Variants in RHOU observed in about 807,000 individuals in gnomAD.
The protein encoded by RHOU is ras homolog family member U.
A neutral mutation model predicts 12.6 loss-of-function variants in RHOU; 8 were observed. The observed-to-expected ratio is 0.64, with a 90% CI of 0.37 to 1.15. RHOU has a LOEUF of 1.15. Ranked by LOEUF, RHOU falls within the 50% of genes most tolerant of loss-of-function variation. RHOU has a pLI of 0.01. For missense variants in RHOU, 258 were observed against 347.0 expected (o/e 0.74, Z 2.04); for synonymous variants, 161 against 147.4 (o/e 1.09, Z -0.67).
the RHOU span, among the ~76,000 whole-genome samples, chr1:228,648,193 G>T: frequency 6.6e-6 from 1 of 152,242 alleles, no homozygotes; most frequent in South Asian, 2.1e-4. Flanking sequence ...CCCAAGCACC[G>T]TTGCCCGCCG....
the RHOU span, among the ~76,000 whole-genome samples, chr1:228,683,251 A>G: frequency 6.6e-6 from 1 of 152,202 alleles, no homozygotes; most frequent in Non-Finnish European, 1.5e-5. Context: ...ATAGCCACAG[A>G]GGCAACCGGT....
the RHOU span, among the ~76,000 whole-genome samples, chr1:228,681,167 T>C: frequency 1.3e-5 from 2 of 152,136 alleles, no homozygotes; most frequent in African/African-American, 2.4e-5. Context: ...AAACGTTTGG[T>C]AGAGAAAAAG....
At chr1:228,707,321 A>T in the RHOU span, among the ~76,000 whole-genome samples, 1 of 132,498 alleles carries the variant, frequency 7.5e-6, no homozygotes, top group Non-Finnish European at 1.6e-5. Flanking sequence ...CCAAAGCAGA[A>T]TGGTCTCGCA....
chr1:228,735,706 T>A lies in RHOU; in HGVS notation c.-37T>A. On this transcript the variant is annotated 5_prime_UTR_variant, in exon 1 of 3. Coordinates refer to ENST00000366691, the MANE Select transcript of RHOU (RefSeq NM_021205.6). The surrounding 1 kb of genome is among the most constrained non-coding windows in gnomAD (Gnocchi z 8.1). Reference sequence around the variant, plus strand: ...GCGGAGGGGCGGTCGGGCCGGGCCCTGCTAGCCCGCGACCGCAAGCCCGCG... The same window carrying A: ...GCGGAGGGGCGGTCGGGCCGGGCCCAGCTAGCCCGCGACCGCAAGCCCGCG... 8.4e-7 allele frequency: 1 copy of A among 1,194,204 alleles called. No homozygotes were observed. The highest frequency in any genetic ancestry group is 1.0e-6 in the Non-Finnish European group (1 of 964,316). The allele number at this position is 1,194,204 out of a possible 1,614,324, so 74.0% of individuals were successfully genotyped here.
the RHOU span, among the ~76,000 whole-genome samples, chr1:228,646,932 T>C: frequency 2.7e-5 from 4 of 147,984 alleles, no homozygotes; most frequent in Non-Finnish European, 6.0e-5. Flanking sequence ...GGTGGAGAGG[T>C]AAAGAGAGAG....
chr1:228,677,924 A>G, the RHOU span, among the ~76,000 whole-genome samples: 1 of 152,186 alleles, frequency 6.6e-6, no homozygotes, highest in African/African-American at 2.4e-5. Flanking sequence ...GTCTGACAAA[A>G]GGGAAGAAAT....
In RHOU at chr1:228,745,283, A is replaced by G. The variant is rs759899567; in HGVS notation, c.*1543A>G. ...CGAGACACCACAAGGCAGCCTGAAC[A>G]CTCAGTTGCAGGGTCGGGCTTGCGG... On this transcript the variant is annotated 3_prime_UTR_variant, in exon 3 of 3. Coordinates refer to ENST00000366691, the MANE Select transcript of RHOU (RefSeq NM_021205.6). 6.6e-6 allele frequency: 1 copy of G among 152,234 alleles called. No individual in the cohort carries two copies. Among genetic ancestry groups the G allele is most frequent in the Non-Finnish European group, 1.5e-5 (1 of 68,054 alleles). 9.4% of individuals were successfully genotyped at this position (152,234 alleles called of 1,614,324 possible).
chr1:228,719,453 G>A, the RHOU span, among the ~76,000 whole-genome samples: 1 of 152,194 alleles, frequency 6.6e-6, no homozygotes, highest in African/African-American at 2.4e-5. Context: ...AATTGGGCTG[G>A]GTGTGGTGGC....
At chr1:228,656,908 T>C in the RHOU span, among the ~76,000 whole-genome samples, 6 of 152,130 alleles carry the variant, frequency 3.9e-5, no homozygotes, top group African/African-American at 9.7e-5. Context: ...GACAAAAACA[T>C]GAAACCCGAT....
intron 2 of RHOU, among the ~76,000 whole-genome samples, chr1:228,741,147 G>A (rs185037350): frequency 2.6e-5 from 4 of 151,994 alleles, no homozygotes; most frequent in East Asian, 1.9e-4. Context: ...ATCCAGTCTC[G>A]TCTCTCTGCC....
Position 228,738,325 on chromosome 1 carries a change from G to C in RHOU, c.321+594G>C, listed in dbSNP as rs1036336319. Among the ~76,000 whole-genome samples the C allele has an allele frequency of 2.0e-5, 3 of 152,182 alleles. No individual in the cohort carries two copies. The highest frequency in any genetic ancestry group is 7.2e-5 in the African/African-American group (3 of 41,442). On this transcript the variant is annotated intron_variant, in intron 2 of 2. Transcript: ENST00000366691. This position sits in a 1 kb window ranked among gnomAD's most constrained non-coding sequence, Gnocchi z 4.2. Reference sequence around the variant, plus strand: ...AACTGTGAACGCTGGTTCTTGTCTCGAGGGCTGGGCCCTTGGAGGAAATAG... The same window carrying C: ...AACTGTGAACGCTGGTTCTTGTCTCCAGGGCTGGGCCCTTGGAGGAAATAG...
the RHOU span, among the ~76,000 whole-genome samples, chr1:228,695,160 G>A: frequency 1.3e-5 from 2 of 152,040 alleles, no homozygotes; most frequent in South Asian, 2.1e-4. Flanking sequence ...GGTAGAGATG[G>A]GGTTTTGGTA....
chr1:228,739,031 G>A (rs1480541785), intron 2 of RHOU, among the ~76,000 whole-genome samples: 3 of 152,110 alleles, frequency 2.0e-5, no homozygotes, highest in African/African-American at 7.2e-5. Flanking sequence ...TGAGGTGAGA[G>A]GATCGCTTGA....
At chr1:228,729,386 G>A in the RHOU span, among the ~76,000 whole-genome samples, 1 of 152,074 alleles carries the variant, frequency 6.6e-6, no homozygotes, top group Non-Finnish European at 1.5e-5. Context: ...ACATTTATAT[G>A]GTTTTTAGTT....
chr1:228,683,847 C>T, the RHOU span, among the ~76,000 whole-genome samples: 4 of 152,336 alleles, frequency 2.6e-5, no homozygotes, highest in Middle Eastern at 6.8e-3. Flanking sequence ...AAAAGATCCC[C>T]GTGTCTGGCT....
chr1:228,650,947 C>T, the RHOU span: 1 of 361,208 alleles, frequency 2.8e-6, no homozygotes, highest in South Asian at 2.5e-5. Flanking sequence ...TTAGCTCTCA[C>T]TTTCAAGAAG....
At chr1:228,707,218 CAT>C in the RHOU span, among the ~76,000 whole-genome samples, 123 of 53,394 alleles carry the variant, frequency 2.3e-3, 1 homozygote, top group Non-Finnish European at 2.6e-3. Flanking sequence ...TATATATATA[CAT>C]ATATATATAC....
At chr1:228,651,991 G>A in the RHOU span, among the ~76,000 whole-genome samples, 1 of 152,056 alleles carries the variant, frequency 6.6e-6, no homozygotes, top group Non-Finnish European at 1.5e-5. Context: ...GCCTTTCTGG[G>A]TTTCTCTTTT....
At chr1:228,708,633 T>C in the RHOU span, among the ~76,000 whole-genome samples, 1 of 151,976 alleles carries the variant, frequency 6.6e-6, no homozygotes, top group African/African-American at 2.4e-5. Context: ...CCACCAGGCC[T>C]GCCCTAAAAG....
Sources: gnomAD v4.1 joint callset for allele counts (sites outside exome capture counted in the v4.1 genomes callset) on GRCh38, gnomAD v4.1.1 for gene constraint, Gnocchi (gnomAD v3.1) non-coding constraint, MANE v1.5 for transcripts, NCBI Gene and HGNC (gene_info 2026-07-23, HGNC 2026-07-21) for gene names.